The following ACSF2 variants were observed in gnomAD, a reference collection of about 807,000 sequenced individuals.
ACSF2 encodes acyl-CoA synthetase family member 2.
A neutral mutation model predicts 79.3 loss-of-function variants in ACSF2; 52 were observed. That is an observed-to-expected ratio of 0.66 (90% confidence interval 0.53 to 0.83). The LOEUF is 0.83. Ranked by LOEUF, ACSF2 falls within the 40% of genes least tolerant of loss-of-function variation. ACSF2 has a pLI of 0.00. For missense variants in ACSF2, 661 were observed against 803.3 expected (o/e 0.82, Z 2.14); for synonymous variants, 283 against 312.6 (o/e 0.91, Z 1.00).
chr17:50,474,154 A>G lies in ACSF2; in HGVS notation c.1729-45A>G, dbSNP rs1208373577. 6.2e-7 allele frequency: 1 copy of G among 1,611,634 alleles called. No homozygotes were observed. The highest frequency in any genetic ancestry group is 2.2e-5 in the East Asian group (1 of 44,870). Reference sequence around the variant, plus strand: ...CTGGTCCCCTACCCATACCCCTGTGAGCTTGCGCAGCCTCACGCCTTACCT... The same window carrying G: ...CTGGTCCCCTACCCATACCCCTGTGGGCTTGCGCAGCCTCACGCCTTACCT... On this transcript the variant is annotated intron_variant, in intron 14 of 15. Transcript: ENST00000300441. The surrounding 1 kb of genome is among the most constrained non-coding windows in gnomAD (Gnocchi z 4.2).
Position 50,432,327 on chromosome 17 carries a change from G to C in ACSF2, c.128+5938G>C, listed in dbSNP as rs149942181. Among the ~76,000 whole-genome samples the C allele has an allele frequency of 9.5e-4, 144 of 152,346 alleles. 1 individual carries two copies. Among genetic ancestry groups the C allele is most frequent in the African/African-American group, 3.2e-3 (135 of 41,578 alleles). ...CATTGCATGGGTCAGTGAGCAACCT[G>C]TCCTAGTGGTGAGCTATTTTACAGG... On this transcript the variant is annotated intron_variant, in intron 1 of 15. Coordinates refer to ENST00000300441, the MANE Select transcript of ACSF2 (RefSeq NM_025149.6).
intron 10 of ACSF2, among the ~76,000 whole-genome samples, chr17:50,469,555 T>C (rs2033000071): frequency 1.3e-5 from 2 of 152,126 alleles, no homozygotes; most frequent in Admixed American, 1.3e-4. Flanking sequence ...ATCCCCTTTT[T>C]CCACCGCTGA....
Position 50,463,493 on chromosome 17 carries a change from C to T in ACSF2, c.987C>T (p.Leu329=), listed in dbSNP as rs974721066. 1 of 1,614,172 alleles carries T rather than the reference C, an allele frequency of 6.2e-7. No homozygotes were observed. The highest frequency in any genetic ancestry group is 8.5e-7 in the Non-Finnish European group (1 of 1,180,036). ...TMMCLMYGAT[L]ILASPIFNGK... is the part of the protein sequence containing the mutation. ...TGTGTCTGATGTACGGTGCCACCCT[C>T]ATCCTGGCCTCTCCCATCTTCAATG... Residue 329 remains leucine (L), a synonymous_variant, in exon 8 of 16, where the codon CTC becomes CTT. Transcript: ENST00000300441. The surrounding 1 kb of genome is among the most constrained non-coding windows in gnomAD (Gnocchi z 4.6).
intron 1 of ACSF2, among the ~76,000 whole-genome samples, chr17:50,430,229 T>C (rs1330003256): frequency 6.6e-6 from 1 of 152,172 alleles, no homozygotes; most frequent in Non-Finnish European, 1.5e-5. Context: ...CATATAAGAC[T>C]GTGGACCTAA....
chr17:50,462,481 G>T lies in ACSF2; in HGVS notation c.688G>T (p.Asp230Tyr). Residue 230 changes from aspartate (D) to tyrosine (Y), a missense_variant, in exon 6 of 16, where the codon GAT becomes TAT. Coordinates refer to ENST00000300441, the MANE Select transcript of ACSF2 (RefSeq NM_025149.6). ...DAPLPGTLLLDEVVAAGSTRQ... is the reference protein window; with the variant it reads ...DAPLPGTLLLYEVVAAGSTRQ... ...CCCTTTGCCGGGGACCCTGCTCCTG[G>T]ATGAAGTGGTGGCGGCTGGCAGCAC... The T allele has an allele frequency of 6.2e-7, 1 of 1,613,834 alleles. No individual in the cohort carries two copies. The highest frequency in any genetic ancestry group is 1.3e-5 in the African/African-American group (1 of 74,936).
At chr17:50,468,522 G>A in intron 10 of ACSF2, 1 of 1,614,262 alleles carries the variant, frequency 6.2e-7, no homozygotes, top group East Asian at 2.2e-5. Context: ...AGTTGCTTGA[G>A]GCCGCGGAAG....
At chr17:50,449,635 C>T (rs113439153) in intron 1 of ACSF2, among the ~76,000 whole-genome samples, 8,896 of 150,426 alleles carry the variant, frequency 0.059, 289 homozygotes, top group Non-Finnish European at 0.069. Context: ...AGGATGGTCT[C>T]CATCTCCTGA....
intron 10 of ACSF2, chr17:50,465,069 G>A (rs535167122): frequency 1.5e-4 from 86 of 570,922 alleles, no homozygotes; most frequent in African/African-American, 1.5e-3. Flanking sequence ...GGCAAAGATC[G>A]ATGTCAGTAC....
Position 50,468,251 on chromosome 17 carries a change from G to A in ACSF2, c.1216-2777G>A, listed in dbSNP as rs142303113. On this transcript the variant is annotated intron_variant, in intron 10 of 15. Coordinates refer to ENST00000300441, the MANE Select transcript of ACSF2 (RefSeq NM_025149.6). The stretch of plus-strand genomic sequence containing the variant: ...GTTCTCCACGTCGTCCAGGGCCCCG[G>A]GCTGCAGGGAGCTCAACGCGTTTTC... 10 of 1,611,758 alleles carry A rather than the reference G, an allele frequency of 6.2e-6. No individual in the cohort carries two copies. Among genetic ancestry groups the A allele is most frequent in the Middle Eastern group, 1.7e-4 (1 of 6,054 alleles).
rs201927915 is a variant in ACSF2 at position 50,462,168 on chromosome 17, G to C, written c.508-16G>C. The stretch of plus-strand genomic sequence containing the variant: ...GGCTCCCCGCTGACTGGAGGTGGGG[G>C]ACTCCCCTTCCACAGGTGGGCTGCA... On this transcript the variant is annotated splice_polypyrimidine_tract_variant and intron_variant, in intron 4 of 15. Coordinates refer to ENST00000300441, the MANE Select transcript of ACSF2 (RefSeq NM_025149.6). 6.2e-7 allele frequency: 1 copy of C among 1,611,342 alleles called. No homozygotes were observed. The highest frequency in any genetic ancestry group is 8.5e-7 in the Non-Finnish European group (1 of 1,178,060).
intron 1 of ACSF2, among the ~76,000 whole-genome samples, chr17:50,432,765 A>T (rs1309576706): frequency 6.6e-6 from 1 of 152,226 alleles, no homozygotes; most frequent in African/African-American, 2.4e-5. Flanking sequence ...CAGTCCTACC[A>T]GTCCTAACTT....
At chr17:50,461,213 C>G in intron 2 of ACSF2, 29 bp from the exon 3 acceptor site, 2 of 1,613,978 alleles carry the variant, frequency 1.2e-6, no homozygotes, top group Non-Finnish European at 8.5e-7. Context: ...TGCCCCCTTT[C>G]ACCCCTTGCG....
intron 11 of ACSF2, 38 bp from the exon 12 acceptor site, chr17:50,472,390 A>G (rs776707731): frequency 5.0e-6 from 8 of 1,596,216 alleles, no homozygotes; most frequent in Non-Finnish European, 6.8e-6. Context: ...CTGAAGCAAG[A>G]GGATAGGAAG....
chr17:50,449,411 T>A (rs567504455), intron 1 of ACSF2, among the ~76,000 whole-genome samples: 3 of 151,000 alleles, frequency 2.0e-5, no homozygotes. Context: ...ATTTCCTTTT[T>A]TTTTTTTCTT....
At chr17:50,454,382 CAAAAAAA>C (rs537100624) in intron 1 of ACSF2, among the ~76,000 whole-genome samples, 1 of 150,202 alleles carries the variant, frequency 6.7e-6, no homozygotes, top group Non-Finnish European at 1.5e-5. Flanking sequence ...TTTTCAAAAG[CAAAAAAA>C]AGAAAAAAGA....
chr17:50,443,085 T>G (rs565307758), intron 1 of ACSF2, among the ~76,000 whole-genome samples: 34 of 152,240 alleles, frequency 2.2e-4, no homozygotes, highest in Non-Finnish European at 4.3e-4. Context: ...AATTTTTGTA[T>G]TTTTAGTACA....
intron 10 of ACSF2, chr17:50,468,714 G>C: frequency 1.2e-6 from 2 of 1,612,414 alleles, no homozygotes; most frequent in South Asian, 2.2e-5. Context: ...ATGACGTGCT[G>C]CAGGTCGCTG....
intron 1 of ACSF2, among the ~76,000 whole-genome samples, chr17:50,459,568 A>C (rs1320882976): frequency 6.6e-6 from 1 of 152,172 alleles, no homozygotes; most frequent in Non-Finnish European, 1.5e-5. Flanking sequence ...AGTTAATAAA[A>C]GGTGGGGAAA....
chr17:50,469,005 G>A, intron 10 of ACSF2: 1 of 1,356,440 alleles, frequency 7.4e-7, no homozygotes. Context: ...ATGCGCCCCC[G>A]CCCTCCACGG....
Sources: gnomAD v4.1 joint callset for allele counts (sites outside exome capture counted in the v4.1 genomes callset) on GRCh38, gnomAD v4.1.1 for gene constraint, Gnocchi (gnomAD v3.1) non-coding constraint, MANE v1.5 for transcripts, NCBI Gene and HGNC (gene_info 2026-07-23, HGNC 2026-07-21) for gene names.